PCDHGA8: variants seen among roughly 807,000 people sequenced by gnomAD.
PCDHGA8 encodes protocadherin gamma subfamily A, 8.
PCDHGA8 carries 45 observed loss-of-function variants against 59.2 expected under a neutral mutation model. The observed-to-expected ratio is 0.76, with a 90% CI of 0.60 to 0.98. The LOEUF (loss-of-function observed/expected upper bound fraction) is 0.98. PCDHGA8 is among the 50% of genes least tolerant of loss of function. The pLI, the probability that PCDHGA8 is intolerant of heterozygous loss-of-function variation, is 0.00. For missense variants in PCDHGA8, 1,257 were observed against 1,196.2 expected (o/e 1.05, Z -0.75); for synonymous variants, 531 against 519.0 (o/e 1.02, Z -0.32).
At position 141,477,862 on chromosome 5, in the gene PCDHGA8, A is replaced by AGGT. The variant is rs753168325; in HGVS notation, c.2425-16944_2425-16942dup. 2.1e-5 allele frequency: 34 copies of AGGT among 1,613,138 alleles called. No individual in the cohort carries two copies. Among genetic ancestry groups the AGGT allele is most frequent in the Non-Finnish European group, 2.5e-5 (29 of 1,179,720 alleles). ...GGAGCTCGGTGGAGATGCTGCCTCG[A>AGGT]GGTACCTCAGCTGGCCACCTAGTGT... is the stretch of plus-strand genomic sequence containing the variant. On this transcript the variant is annotated intron_variant, in intron 1 of 3. Transcript: ENST00000398604. The surrounding 1 kb of genome is among the most constrained non-coding windows in gnomAD (Gnocchi z 4.9).
At chr5:141,502,056 C>A (rs1163976282) in intron 2 of PCDHGA8, among the ~76,000 whole-genome samples, 1 of 152,116 alleles carries the variant, frequency 6.6e-6, no homozygotes, top group Non-Finnish European at 1.5e-5. Context: ...CTACTTTATT[C>A]CCATTAGCCC....
Position 141,490,575 on chromosome 5 carries a change from A to G in PCDHGA8, c.2425-4232A>G. 2 of 1,614,140 alleles carry G rather than the reference A, an allele frequency of 1.2e-6. No individual in the cohort carries two copies. The highest frequency in any genetic ancestry group is 2.2e-5 in the East Asian group (1 of 44,876). Reference sequence around the variant, plus strand: ...ATCTCACCATCAGGCTCAACATTTCAGATGTCAATGACAATGCACCCCGCT... The same window carrying G: ...ATCTCACCATCAGGCTCAACATTTCGGATGTCAATGACAATGCACCCCGCT... On this transcript the variant is annotated intron_variant, in intron 1 of 3. Transcript: ENST00000398604. This position sits in a 1 kb window ranked among gnomAD's most constrained non-coding sequence, Gnocchi z 5.4.
intron 1 of PCDHGA8, among the ~76,000 whole-genome samples, chr5:141,488,510 G>A (rs910546464): frequency 1.3e-5 from 2 of 152,152 alleles, no homozygotes; most frequent in Non-Finnish European, 2.9e-5. Context: ...TCCACATTTG[G>A]GGTCTGGGGT....
intron 1 of PCDHGA8, chr5:141,433,179 T>C (rs760574214): frequency 1.2e-5 from 20 of 1,608,614 alleles, no homozygotes; most frequent in Admixed American, 1.7e-5. Flanking sequence ...CATGGGTTAA[T>C]TGAGGTGAGT....
intron 1 of PCDHGA8, among the ~76,000 whole-genome samples, chr5:141,459,971 A>G (rs1458539493): frequency 2.6e-5 from 4 of 152,208 alleles, no homozygotes; most frequent in Non-Finnish European, 5.9e-5. Flanking sequence ...CCAGCTACTC[A>G]GGAGGCTGAG....
At chr5:141,456,142 C>A (rs1258425044) in intron 1 of PCDHGA8, among the ~76,000 whole-genome samples, 1 of 152,052 alleles carries the variant, frequency 6.6e-6, no homozygotes, top group Non-Finnish European at 1.5e-5. Flanking sequence ...CCTGATCCGC[C>A]CGCCTCGGCC....
At chr5:141,415,079 C>A (rs1388248799) in intron 1 of PCDHGA8, 1 of 1,613,380 alleles carries the variant, frequency 6.2e-7, no homozygotes, top group Non-Finnish European at 8.5e-7. Context: ...ACGGCGCGAG[C>A]CCTGCTGGAC....
At chr5:141,417,256 C>G (rs985322130) in intron 1 of PCDHGA8, 1 of 152,096 alleles carries the variant, frequency 6.6e-6, no homozygotes, top group Non-Finnish European at 1.5e-5. Flanking sequence ...CTTCCAGCTT[C>G]ATAGATAATT....
At position 141,432,370 on chromosome 5, in the gene PCDHGA8, C is replaced by A. The variant is rs1362496624; in HGVS notation, c.2424+37133C>A. On this transcript the variant is annotated intron_variant, in intron 1 of 3. Transcript: ENST00000398604. The surrounding 1 kb of genome is among the most constrained non-coding windows in gnomAD (Gnocchi z 6.0). Reference sequence around the variant, plus strand: ...AAGTGAAAGTGATGGCGCGGGACAACGGGCACCCGCCCCTCAGCAGCAACG... The same window carrying A: ...AAGTGAAAGTGATGGCGCGGGACAAAGGGCACCCGCCCCTCAGCAGCAACG... The A allele has an allele frequency of 6.2e-7, 1 of 1,614,240 alleles. No homozygotes were observed. The highest frequency in any genetic ancestry group is 8.5e-7 in the Non-Finnish European group (1 of 1,180,048).
chr5:141,498,119 T>C (rs780741291), intron 2 of PCDHGA8, among the ~76,000 whole-genome samples: 42 of 152,192 alleles, frequency 2.8e-4, no homozygotes, highest in Non-Finnish European at 4.8e-4. Flanking sequence ...AATAGGGATT[T>C]GATTTAGGGA....
chr5:141,461,480 G>A (rs1478939044), intron 1 of PCDHGA8, among the ~76,000 whole-genome samples: 1 of 151,970 alleles, frequency 6.6e-6, no homozygotes, highest in Non-Finnish European at 1.5e-5. Context: ...ACTTTTTAAT[G>A]GGATTGTGTT....
At chr5:141,494,759 C>G (rs776923097) in intron 1 of PCDHGA8, 48 bp from the exon 2 acceptor site, 2 of 1,613,886 alleles carry the variant, frequency 1.2e-6, no homozygotes, top group Middle Eastern at 1.6e-4. Flanking sequence ...GGGTGACATT[C>G]TAACTTCTCA....
rs1199102847 is a variant in PCDHGA8, at chr5:141,477,997, A to G, written c.2425-16810A>G. 2 of 1,614,112 alleles carry G rather than the reference A, an allele frequency of 1.2e-6. No individual in the cohort carries two copies. Among genetic ancestry groups the G allele is most frequent in the Non-Finnish European group, 1.7e-6 (2 of 1,180,016 alleles). On this transcript the variant is annotated intron_variant, in intron 1 of 3. Coordinates refer to ENST00000398604, the MANE Select transcript of PCDHGA8 (RefSeq NM_032088.2). This position sits in a 1 kb window ranked among gnomAD's most constrained non-coding sequence, Gnocchi z 4.9. ...TTGCCATAGGGCTGCACACTGGTCAAATCAGTACTGCCCGTCCAGTCCAAG... is the reference window on the plus strand; with the variant it reads ...TTGCCATAGGGCTGCACACTGGTCAGATCAGTACTGCCCGTCCAGTCCAAG...
At chr5:141,418,933 G>A in intron 1 of PCDHGA8, 2 of 1,614,010 alleles carry the variant, frequency 1.2e-6, no homozygotes, top group Non-Finnish European at 1.7e-6. Flanking sequence ...AGATTATGGA[G>A]GATTCCCCTC....
intron 1 of PCDHGA8, chr5:141,410,849 C>CTTTTTTTTTTTTTTTTTTGTTTTTTTT (rs2095435748): frequency 1.5e-5 from 2 of 129,786 alleles, no homozygotes; most frequent in Non-Finnish European, 2.6e-5. Context: ...TTGTCTTTGT[C>CTTTTTTTTTTTTTTTTTTGTTTTTTTT]TTTTTTTTTT....
chr5:141,476,523 C>G lies in PCDHGA8; in HGVS notation c.2425-18284C>G. On this transcript the variant is annotated intron_variant, in intron 1 of 3. Transcript: ENST00000398604. This position sits in a 1 kb window ranked among gnomAD's most constrained non-coding sequence, Gnocchi z 7.6. ...ATCAACGACAACAATCCTGCTTTCC[C>G]TACCCAGGAAATGAAATTGGAGATT... is the stretch of plus-strand genomic sequence containing the variant. 1 of 1,614,218 alleles carries G rather than the reference C, an allele frequency of 6.2e-7. No individual in the cohort carries two copies.
At position 141,490,328 on chromosome 5, in the gene PCDHGA8, C is replaced by T; in HGVS notation, c.2425-4479C>T. 2 of 1,614,228 alleles carry T rather than the reference C, an allele frequency of 1.2e-6. No homozygotes were observed. Among genetic ancestry groups the T allele is most frequent in the Non-Finnish European group, 1.7e-6 (2 of 1,180,048 alleles). Reference sequence around the variant, plus strand: ...TTGGCCAACCCTGTCCTAGAGAGCACACCAGTGGGCACAGTAGTGGGGTTG... The same window carrying T: ...TTGGCCAACCCTGTCCTAGAGAGCATACCAGTGGGCACAGTAGTGGGGTTG... On this transcript the variant is annotated intron_variant, in intron 1 of 3. Coordinates refer to ENST00000398604, the MANE Select transcript of PCDHGA8 (RefSeq NM_032088.2). The surrounding 1 kb of genome is among the most constrained non-coding windows in gnomAD (Gnocchi z 5.4).
Position 141,485,996 on chromosome 5 carries a change from G to A in PCDHGA8, c.2425-8811G>A, listed in dbSNP as rs114142606. On this transcript the variant is annotated intron_variant, in intron 1 of 3. Coordinates refer to ENST00000398604, the MANE Select transcript of PCDHGA8 (RefSeq NM_032088.2). The surrounding 1 kb of genome is among the most constrained non-coding windows in gnomAD (Gnocchi z 5.7). ...CTCAGACCCGGACCTGGGTCCCAGT[G>A]GTAACGTCACCTTTTATTTCAGTGG... The A allele has an allele frequency of 1.6e-4, 256 of 1,614,178 alleles. 1 individual carries two copies. Among genetic ancestry groups the A allele is most frequent in the Middle Eastern group, 1.5e-3 (9 of 6,062 alleles).
chr5:141,409,459 T>A lies in PCDHGA8; in HGVS notation c.2424+14222T>A, dbSNP rs139792503. 3.7e-6 allele frequency: 6 copies of A among 1,613,832 alleles called. 1 individual carries two copies. The highest frequency in any genetic ancestry group is 3.3e-4 in the Middle Eastern group (2 of 6,084). ...ACCGAGAGCAGACACCAGAATACAATGTCACCATCGTAGCCACTGACAGGG... is the reference window on the plus strand; with the variant it reads ...ACCGAGAGCAGACACCAGAATACAAAGTCACCATCGTAGCCACTGACAGGG... On this transcript the variant is annotated intron_variant, in intron 1 of 3. Transcript: ENST00000398604.
Sources: allele counts gnomAD v4.1 joint callset (sites outside exome capture counted in the v4.1 genomes callset), GRCh38; gene constraint gnomAD v4.1.1; non-coding constraint Gnocchi (gnomAD v3.1); transcripts MANE v1.5; gene names NCBI Gene and HGNC (gene_info 2026-07-23, HGNC 2026-07-21).